The following ANKRD30B variants were observed in gnomAD, a reference collection of about 807,000 sequenced individuals.
ANKRD30B encodes the protein ankyrin repeat domain-containing protein 30B.
In ANKRD30B, 144 loss-of-function variants were observed where a neutral mutation model predicts 202.2. The observed-to-expected ratio is 0.71, with a 90% CI of 0.62 to 0.82. ANKRD30B has a LOEUF of 0.82. ANKRD30B is among the 40% of genes least tolerant of loss of function. ANKRD30B has a pLI of 0.00. For synonymous variants in ANKRD30B, 508 were observed against 561.3 expected, an observed-to-expected ratio of 0.91 and a Z score of 1.34; for missense variants, 1,487 against 1,669.1, an observed-to-expected ratio of 0.89 and a Z score of 1.90.
intron 40 of ANKRD30B, among the ~76,000 whole-genome samples, chr18:14,849,340 T>C (rs1971790133): frequency 6.6e-6 from 1 of 151,920 alleles, no homozygotes; most frequent in Admixed American, 6.6e-5. Flanking sequence ...AAGTTCTTTG[T>C]TCATTACTTC....
chr18:14,817,453 T>A (rs1970174876), intron 30 of ANKRD30B, among the ~76,000 whole-genome samples: 1 of 152,178 alleles, frequency 6.6e-6, no homozygotes, highest in Non-Finnish European at 1.5e-5. Flanking sequence ...GGTAATCAGA[T>A]CACAATTTAG....
At chr18:14,844,046 C>T (rs1241311699) in intron 39 of ANKRD30B, among the ~76,000 whole-genome samples, 1 of 152,084 alleles carries the variant, frequency 6.6e-6, no homozygotes, top group Non-Finnish European at 1.5e-5. Context: ...AATAATTGTA[C>T]ATTGTGTAAT....
intron 15 of ANKRD30B, among the ~76,000 whole-genome samples, chr18:14,788,754 A>C (rs527758395): frequency 6.6e-6 from 1 of 151,846 alleles, no homozygotes; most frequent in Non-Finnish European, 1.5e-5. Flanking sequence ...ATAGTAATCC[A>C]TGGTGTATAT....
At chr18:14,825,623 C>T (rs879728657) in intron 32 of ANKRD30B, among the ~76,000 whole-genome samples, 95 of 151,782 alleles carry the variant, frequency 6.3e-4, no homozygotes, top group Non-Finnish European at 1.1e-3. Flanking sequence ...CTATGCAACC[C>T]CCCGGCCTTC....
At chr18:14,879,309 T>C in the ANKRD30B span, among the ~76,000 whole-genome samples, 6 of 148,980 alleles carry the variant, frequency 4.0e-5, no homozygotes, top group East Asian at 1.2e-3. Context: ...GCGGCCACAG[T>C]GCAAGATCCA....
chr18:14,923,741 A>C, the ANKRD30B span, among the ~76,000 whole-genome samples: 1 of 152,350 alleles, frequency 6.6e-6, no homozygotes, highest in Admixed American at 6.5e-5. Flanking sequence ...GTGGTCTTGG[A>C]TAAGATCTGC....
At chr18:14,923,449 AC>A in the ANKRD30B span, among the ~76,000 whole-genome samples, 1 of 151,844 alleles carries the variant, frequency 6.6e-6, no homozygotes, top group South Asian at 2.1e-4. Context: ...AGTGAGAAGG[AC>A]CTTTTTTTGT....
At chr18:14,846,185 A>T (rs560595488) in intron 39 of ANKRD30B, among the ~76,000 whole-genome samples, 1 of 151,996 alleles carries the variant, frequency 6.6e-6, no homozygotes, top group Non-Finnish European at 1.5e-5. Flanking sequence ...GATGCATTTT[A>T]CAATATCTAA....
chr18:14,940,121 C>T, the ANKRD30B span, among the ~76,000 whole-genome samples: 2 of 152,182 alleles, frequency 1.3e-5, no homozygotes, highest in African/African-American at 4.8e-5. Context: ...GTACGTATGT[C>T]TCATCTCACC....
intron 7 of ANKRD30B, among the ~76,000 whole-genome samples, chr18:14,768,128 A>G (rs551505080): frequency 3.3e-5 from 5 of 152,118 alleles, no homozygotes; most frequent in Non-Finnish European, 7.4e-5. Context: ...GGAGGTGAAG[A>G]TTAGGTCAAT....
chr18:14,761,955 T>C (rs1915326689), intron 6 of ANKRD30B, among the ~76,000 whole-genome samples: 1 of 152,226 alleles, frequency 6.6e-6, no homozygotes, highest in Non-Finnish European at 1.5e-5. Flanking sequence ...TATTCCACTG[T>C]TGACCTGGAG....
chr18:14,874,947 C>T, the ANKRD30B span, among the ~76,000 whole-genome samples: 3 of 152,100 alleles, frequency 2.0e-5, no homozygotes, highest in Non-Finnish European at 4.4e-5. Context: ...AGGTCAAGGC[C>T]GCTGATGCTG....
chr18:14,757,633 A>T (rs9748507), intron 4 of ANKRD30B, among the ~76,000 whole-genome samples, 182 bp from the exon 5 acceptor site: 61,613 of 151,962 alleles, frequency 0.41, 13,251 homozygotes, highest in Non-Finnish European at 0.49. Flanking sequence ...AGTATGCCAC[A>T]CCCCAGTGGG....
intron 24 of ANKRD30B, among the ~76,000 whole-genome samples, chr18:14,804,800 T>A (rs1450760150): frequency 1.3e-5 from 2 of 150,800 alleles, no homozygotes; most frequent in East Asian, 3.9e-4. Flanking sequence ...ATGGGAAGAA[T>A]CAAGAACACA....
At chr18:14,858,724 G>A (rs532820329), downstream of ANKRD30B, among the ~76,000 whole-genome samples, 326 of 144,762 alleles carry the variant, frequency 2.3e-3, no homozygotes, top group African/African-American at 7.8e-3. Flanking sequence ...CCTCCCAGAC[G>A]GGGCGGCTGG....
chr18:14,758,407 A>G (rs58069070), intron 5 of ANKRD30B, among the ~76,000 whole-genome samples: 8,669 of 152,142 alleles, frequency 0.057, 848 homozygotes, highest in African/African-American at 0.2. Flanking sequence ...TGTTGTTTCC[A>G]TTGATTCTGT....
rs1967951184 is a variant in ANKRD30B at position 14,784,491 on chromosome 18, C to T, written c.1628C>T (p.Pro543Leu). The T allele has an allele frequency of 2.5e-6, 4 of 1,612,920 alleles. No homozygotes were observed. In the East Asian group the frequency reaches 8.9e-5, roughly 36 times the overall value. ...KPAVEMQKTVPNKAFELKNEQ... is the reference protein window; with the variant it reads ...KPAVEMQKTVLNKAFELKNEQ... ...GCCGTTGAAATGCAAAAGACTGTTC[C>T]AAATAAAGCCTTTGAATTGAAGAAT... Residue 543 changes from proline to leucine, a missense_variant, in exon 14 of 44, where the codon CCA becomes CTA. Transcript: ENST00000690538.
chr18:14,822,864 T>TA (rs1033502639), intron 32 of ANKRD30B, among the ~76,000 whole-genome samples, 187 bp downstream of exon 32: 3 of 148,388 alleles, frequency 2.0e-5, no homozygotes, highest in Admixed American at 6.8e-5. Flanking sequence ...TTTAGAGATT[T>TA]AAAAAAAATT....
chr18:14,772,192 T>C lies in ANKRD30B; in HGVS notation c.1293T>C (p.Cys431=), dbSNP rs974040791. 3 of 1,510,890 alleles carry C rather than the reference T, an allele frequency of 2.0e-6. No homozygotes were observed. The African/African-American group carries it at 4.1e-5, about 21-fold the overall frequency. The allele number at this position is 1,510,890 out of a possible 1,614,324, so 93.6% of individuals were successfully genotyped here. A position where few individuals can be genotyped will look rare whatever the true frequency, so the allele number is the denominator to read the frequency against. ...FGTRTIENSQ[C]TKVEEDFNLA... ...CACGGACTATTGAAAATTCACAGTGTACAAAAGTTGAGGAAGACTTTAATC... is the reference window on the plus strand; with the variant it reads ...CACGGACTATTGAAAATTCACAGTGCACAAAAGTTGAGGAAGACTTTAATC... Residue 431 remains cysteine, a synonymous_variant, in exon 9 of 44, where the codon TGT becomes TGC. Coordinates refer to ENST00000690538, the MANE Select transcript of ANKRD30B (RefSeq NM_001367607.2).
Sources: gnomAD v4.1 joint callset for allele counts (sites outside exome capture counted in the v4.1 genomes callset) on GRCh38, gnomAD v4.1.1 for gene constraint, MANE v1.5 for transcripts, NCBI Gene and HGNC (gene_info 2026-07-23, HGNC 2026-07-21) for gene names.